Variants in TTC17 observed in about 807,000 individuals in gnomAD.
The protein encoded by TTC17 is tetratricopeptide repeat protein 17.
In TTC17, 58 loss-of-function variants were observed where a neutral mutation model predicts 143.8. The observed-to-expected ratio is 0.40, with a 90% CI of 0.33 to 0.50. The LOEUF (loss-of-function observed/expected upper bound fraction) is 0.50, where lower values mean the gene tolerates loss of function less well. TTC17 is among the 20% of genes least tolerant of loss of function. TTC17 has a pLI of 0.49. For synonymous variants in TTC17, 501 were observed against 497.8 expected, an observed-to-expected ratio of 1.01 and a Z score of -0.09; for missense variants, 1,273 against 1,392.5, an observed-to-expected ratio of 0.91 and a Z score of 1.37.
intron 21 of TTC17, among the ~76,000 whole-genome samples, chr11:43,479,800 A>G (rs959914797): frequency 1.3e-5 from 2 of 152,226 alleles, no homozygotes; most frequent in African/African-American, 4.8e-5. Flanking sequence ...AGGTGTGGAA[A>G]AGGGCAGCAA....
At chr11:43,386,346 T>G (rs1237179847) in intron 2 of TTC17, among the ~76,000 whole-genome samples, 2 of 152,212 alleles carry the variant, frequency 1.3e-5, no homozygotes, top group African/African-American at 4.8e-5. Flanking sequence ...TACACAAACC[T>G]AGGTGATAAA....
At chr11:43,390,808 C>A (rs1011889894) in intron 3 of TTC17, among the ~76,000 whole-genome samples, 1 of 152,106 alleles carries the variant, frequency 6.6e-6, no homozygotes, top group African/African-American at 2.4e-5. Context: ...TAGTTTTCAT[C>A]TACCAAAATG....
chr11:43,418,301 C>T (rs1377728230), intron 16 of TTC17, among the ~76,000 whole-genome samples: 1 of 152,056 alleles, frequency 6.6e-6, no homozygotes, highest in Admixed American at 6.6e-5. Flanking sequence ...TTCATAAATC[C>T]TGGTCTTTTA....
At chr11:43,388,628 C>T (rs1857259900) in intron 2 of TTC17, among the ~76,000 whole-genome samples, 1 of 151,424 alleles carries the variant, frequency 6.6e-6, no homozygotes, top group African/African-American at 2.4e-5. Context: ...TGCTTGAGCC[C>T]AGGAGTTTGA....
rs190177123 is a variant in TTC17 at position 43,476,255 on chromosome 11, C to A, written c.3031-13984C>A. ...AAGTCTGGGAAAGCAAGGAAGCTCG[C>A]AATGACAACAGGTTGTATCAAAAGA... On this transcript the variant is annotated intron_variant, in intron 21 of 23. Coordinates refer to ENST00000039989, the MANE Select transcript of TTC17 (RefSeq NM_018259.6). Among the ~76,000 whole-genome samples the A allele has an allele frequency of 2.0e-5, 3 of 152,262 alleles. No individual in the cohort carries two copies. The East Asian group carries it at 5.8e-4, about 29-fold the overall frequency.
At chr11:43,472,593 C>T (rs1407264387) in intron 21 of TTC17, among the ~76,000 whole-genome samples, 1 of 151,950 alleles carries the variant, frequency 6.6e-6, no homozygotes, top group Non-Finnish European at 1.5e-5. Flanking sequence ...ACATACCTCT[C>T]AATAGGTGAT....
intron 19 of TTC17, 75 bp downstream of exon 19, chr11:43,448,197 C>T: frequency 6.4e-7 from 1 of 1,569,120 alleles, no homozygotes; most frequent in Non-Finnish European, 8.7e-7. Flanking sequence ...AGGATCCCCT[C>T]TTAGCAGCTA....
chr11:43,472,353 AAAG>A (rs1948107878), intron 21 of TTC17, among the ~76,000 whole-genome samples: 2 of 152,316 alleles, frequency 1.3e-5, no homozygotes, highest in African/African-American at 4.8e-5. Flanking sequence ...AGAAAAGAAA[AAAG>A]ATATATCATG....
At position 43,450,589 on chromosome 11, in the gene TTC17, T is replaced by A. The variant is rs565561405; in HGVS notation, c.2946+348T>A. On this transcript the variant is annotated intron_variant, in intron 20 of 23. Coordinates refer to ENST00000039989, the MANE Select transcript of TTC17 (RefSeq NM_018259.6). ...AAGGGTAAGGAAAGCAGACCCAATA[T>A]ATACCTAGCAAAGCATATACCTAGA... Among the ~76,000 whole-genome samples the A allele has an allele frequency of 1.5e-4, 23 of 152,290 alleles. No individual in the cohort carries two copies. In the South Asian group the frequency reaches 3.9e-3, roughly 26 times the overall value.
At chr11:43,385,174 C>T (rs185127528) in intron 2 of TTC17, among the ~76,000 whole-genome samples, 340 of 152,138 alleles carry the variant, frequency 2.2e-3, no homozygotes, top group African/African-American at 8.0e-3. Context: ...GAGGTAACAC[C>T]TTTGGATCTA....
intron 21 of TTC17, among the ~76,000 whole-genome samples, chr11:43,473,576 A>G (rs1440889769): frequency 6.6e-6 from 1 of 152,136 alleles, no homozygotes; most frequent in Non-Finnish European, 1.5e-5. Context: ...ATACATTGCT[A>G]ATGAAAATGT....
At chr11:43,439,472 T>G (rs942886048) in intron 16 of TTC17, among the ~76,000 whole-genome samples, 16 of 147,912 alleles carry the variant, frequency 1.1e-4, no homozygotes, top group Admixed American at 1.0e-3. Flanking sequence ...TTTTTTTGGT[T>G]TTTTTTTTTT....
Position 43,447,864 on chromosome 11 carries a change from G to A in TTC17, c.2666-138G>A. On this transcript the variant is annotated intron_variant, in intron 18 of 23. Coordinates refer to ENST00000039989, the MANE Select transcript of TTC17 (RefSeq NM_018259.6). ...ACGAGATTTTAATTAGATCATAGAT[G>A]GGGGAAATGTTAAAGACTACAGGAA... 4 of 1,015,272 alleles carry A rather than the reference G, an allele frequency of 3.9e-6. No homozygotes were observed. The South Asian group carries it at 5.2e-5, about 13-fold the overall frequency. 62.9% of individuals were successfully genotyped at this position (1,015,272 alleles called of 1,614,324 possible).
intron 5 of TTC17, among the ~76,000 whole-genome samples, chr11:43,393,747 AC>A (rs1334606658): frequency 6.6e-6 from 1 of 152,184 alleles, no homozygotes. Flanking sequence ...TGAAAGACAC[AC>A]ATTACTCCTG....
chr11:43,416,367 AT>A (rs1480857931), intron 16 of TTC17, among the ~76,000 whole-genome samples: 1 of 152,116 alleles, frequency 6.6e-6, no homozygotes. Flanking sequence ...GAGAAGAAGC[AT>A]TTTGTCACTG....
intron 1 of TTC17, among the ~76,000 whole-genome samples, chr11:43,374,672 AT>A (rs748708136): frequency 6.6e-6 from 1 of 151,960 alleles, no homozygotes; most frequent in Non-Finnish European, 1.5e-5. Context: ...AACATCACTA[AT>A]CACTAGAGAA....
At position 43,411,296 on chromosome 11, in the gene TTC17, A is replaced by G. The variant is rs183021602; in HGVS notation, c.2065-3294A>G. 2.5e-3 allele frequency among the ~76,000 whole-genome samples: 380 copies of G among 152,046 alleles called. 3 individuals are homozygous for G. The highest frequency in any genetic ancestry group is 8.8e-3 in the African/African-American group (365 of 41,476). On this transcript the variant is annotated intron_variant, in intron 15 of 23. Transcript: ENST00000039989. The stretch of plus-strand genomic sequence containing the variant: ...CTACCTCAGGTCTTTTGCATTTTCT[A>G]TCCTCTCTGGTTGGAGTACTTCATC...
intron 23 of TTC17, 58 bp from the exon 24 acceptor site, chr11:43,493,715 A>C: frequency 6.2e-7 from 1 of 1,612,366 alleles, no homozygotes; most frequent in Non-Finnish European, 8.5e-7. Flanking sequence ...AAGAGGTCAC[A>C]GTATATATTT....
intron 9 of TTC17, 121 bp from the exon 10 acceptor site, chr11:43,401,325 C>G: frequency 3.3e-6 from 2 of 600,938 alleles, no homozygotes; most frequent in Middle Eastern, 3.6e-4. Context: ...GTACGTCCTA[C>G]GTAAGTAGCC....
Sources: gnomAD v4.1 joint callset for allele counts (sites outside exome capture counted in the v4.1 genomes callset) on GRCh38, gnomAD v4.1.1 for gene constraint, MANE v1.5 for transcripts, NCBI Gene and HGNC (gene_info 2026-07-23, HGNC 2026-07-21) for gene names.